The following KIF21A variants were observed in gnomAD, a reference collection of about 807,000 sequenced individuals.
The protein encoded by KIF21A is kinesin family member 21A, also known as kinesin-like protein KIF21A.
A neutral mutation model predicts 202.9 loss-of-function variants in KIF21A; 114 were observed. The observed-to-expected ratio is 0.56, with a 90% CI of 0.48 to 0.66. KIF21A has a LOEUF of 0.66. Among genes scored for constraint, KIF21A ranks in the 30% least tolerant of loss-of-function variants. KIF21A has a pLI of 0.00. For missense variants in KIF21A, 1,677 were observed against 1,994.9 expected (o/e 0.84, Z 3.04); for synonymous variants, 667 against 670.8 (o/e 0.99, Z 0.09).
At chr12:39,326,864 G>A (rs1945987208) in intron 24 of KIF21A, among the ~76,000 whole-genome samples, 1 of 152,204 alleles carries the variant, frequency 6.6e-6, no homozygotes, top group Non-Finnish European at 1.5e-5. Flanking sequence ...TCACACATCA[G>A]CATGCAGCTC....
At chr12:39,309,163 C>T (rs1291106288) in intron 33 of KIF21A, among the ~76,000 whole-genome samples, 1 of 152,132 alleles carries the variant, frequency 6.6e-6, no homozygotes, top group Admixed American at 6.5e-5. Context: ...GCTTTTCAAT[C>T]TCTGTTAATT....
intron 37 of KIF21A, among the ~76,000 whole-genome samples, chr12:39,294,908 G>C (rs760899153): frequency 6.6e-6 from 1 of 152,152 alleles, no homozygotes; most frequent in African/African-American, 2.4e-5. Flanking sequence ...TTAACACTGG[G>C]TCTGCAGTCA....
chr12:39,315,260 A>G lies in KIF21A; in HGVS notation c.3948-20T>C. The G allele has an allele frequency of 6.2e-7, 1 of 1,611,282 alleles. No homozygotes were observed. The highest frequency in any genetic ancestry group is 8.5e-7 in the Non-Finnish European group (1 of 1,177,926). On this transcript the variant is annotated intron_variant, in intron 30 of 37. Coordinates refer to ENST00000361418, the MANE Select transcript of KIF21A (RefSeq NM_001173464.2). ...GAGGATCTGCTGATGATCAGCAAAAATGGCCATAAAACAAGGAAAACAAGT... is the reference window on the plus strand; with the variant it reads ...GAGGATCTGCTGATGATCAGCAAAAGTGGCCATAAAACAAGGAAAACAAGT...
intron 1 of KIF21A, among the ~76,000 whole-genome samples, chr12:39,432,084 T>C (rs182802163): frequency 4.8e-4 from 73 of 152,306 alleles, no homozygotes; most frequent in Non-Finnish European, 8.4e-4. Flanking sequence ...GAGAAGTGTT[T>C]TGTGTTGAAC....
At chr12:39,323,437 A>AT (rs995540915) in intron 26 of KIF21A, among the ~76,000 whole-genome samples, 34 of 152,100 alleles carry the variant, frequency 2.2e-4, no homozygotes, top group Non-Finnish European at 4.6e-4. Context: ...TTCTAATACA[A>AT]TTTTTTTTCA....
Position 39,346,483 on chromosome 12 carries a change from G to T in KIF21A, c.1695C>A (p.Ser565Arg). 2 of 1,478,210 alleles carry T rather than the reference G, an allele frequency of 1.4e-6. No homozygotes were observed. Among genetic ancestry groups the T allele is most frequent in the Admixed American group, 2.2e-5 (1 of 44,998 alleles). 91.6% of individuals were successfully genotyped at this position (1,478,210 alleles called of 1,614,324 possible). A position where few individuals can be genotyped will look rare whatever the true frequency, so the allele number is the denominator to read the frequency against. Reference sequence around the variant, plus strand: ...ATTCCAACCTTCTTTCTTCTCGATTGCTTTCCTCAAGTTTCTGTAGCCTTC... The same window carrying T: ...ATTCCAACCTTCTTTCTTCTCGATTTCTTTCCTCAAGTTTCTGTAGCCTTC... Reference protein sequence around the residue: ...KKKRLQKLEESNREERSVAGK... With the variant: ...KKKRLQKLEERNREERSVAGK... Residue 565 changes from serine (S) to arginine (R), a missense_variant, in exon 12 of 38, where the codon AGC becomes AGA. By Grantham distance (110) the Ser-to-Arg change is moderately radical (BLOSUM62 -1). Around this residue, in one of 3 missense-constraint regions of KIF21A, gnomAD observed 966 missense variants for 1,180.9 expected, o/e 0.82. Coordinates refer to ENST00000361418, the MANE Select transcript of KIF21A (RefSeq NM_001173464.2).
intron 16 of KIF21A, among the ~76,000 whole-genome samples, chr12:39,338,113 T>C (rs979766748): frequency 6.6e-6 from 1 of 152,178 alleles, no homozygotes; most frequent in African/African-American, 2.4e-5. Flanking sequence ...CAGCTCCATG[T>C]GTGTTAATGC....
chr12:39,326,171 T>C, intron 25 of KIF21A, 93 bp downstream of exon 25: 1 of 1,011,048 alleles, frequency 9.9e-7, no homozygotes, highest in South Asian at 1.3e-5. Flanking sequence ...AGATTGAAAA[T>C]TATTTCTGTT....
chr12:39,418,413 C>T (rs1041141387), intron 1 of KIF21A, among the ~76,000 whole-genome samples: 43 of 152,150 alleles, frequency 2.8e-4, no homozygotes, highest in African/African-American at 1.0e-3. Context: ...AATGCAAACA[C>T]CTCTCTTGTT....
intron 1 of KIF21A, among the ~76,000 whole-genome samples, chr12:39,395,550 A>C (rs924741495): frequency 6.6e-6 from 1 of 152,064 alleles, no homozygotes; most frequent in African/African-American, 2.4e-5. Flanking sequence ...TATAAAAATC[A>C]CCCACTTTCA....
At chr12:39,343,356 T>C (rs888846848) in intron 12 of KIF21A, among the ~76,000 whole-genome samples, 1 of 151,884 alleles carries the variant, frequency 6.6e-6, no homozygotes, top group African/African-American at 2.4e-5. Flanking sequence ...CGAGACTCTG[T>C]CTCAAAAATA....
intron 35 of KIF21A, among the ~76,000 whole-genome samples, chr12:39,303,666 T>C (rs1943179274): frequency 6.6e-6 from 1 of 152,166 alleles, no homozygotes; most frequent in Admixed American, 6.5e-5. Context: ...AAATGATATG[T>C]TCAATAATAA....
intron 1 of KIF21A, among the ~76,000 whole-genome samples, chr12:39,378,435 A>G (rs989532119): frequency 2.6e-5 from 4 of 152,204 alleles, no homozygotes; most frequent in African/African-American, 9.6e-5. Flanking sequence ...CCTATGCATC[A>G]CTGTAATTAA....
chr12:39,440,194 G>A (rs1347860480), intron 1 of KIF21A, among the ~76,000 whole-genome samples: 2 of 152,180 alleles, frequency 1.3e-5, no homozygotes, highest in Non-Finnish European at 2.9e-5. Context: ...ACCTGTGAAA[G>A]CCACTCATTT....
In KIF21A at chr12:39,332,609, A is replaced by C; in HGVS notation, c.2838T>G (p.Asp946Glu). ...TCCACACCTTGAGGAGTCTATTCATATCTGCCTCCATGTTGGAAATGGTCA... is the reference window on the plus strand; with the variant it reads ...TCCACACCTTGAGGAGTCTATTCATCTCTGCCTCCATGTTGGAAATGGTCA... ...QKMTISNMEADMNRLLKQREE... is the reference protein window; with the variant it reads ...QKMTISNMEAEMNRLLKQREE... The change falls in exon 20 of 38, where the codon GAT (aspartate) becomes GAG (glutamate). Residue 946 changes from aspartate (D) to glutamate (E), a missense_variant. By Grantham distance (45) the Asp-to-Glu change is conservative (BLOSUM62 2). This residue lies in a region of KIF21A where 966 missense variants were observed against 1,180.9 expected (regional missense o/e 0.82). Coordinates refer to ENST00000361418, the MANE Select transcript of KIF21A (RefSeq NM_001173464.2). The C allele has an allele frequency of 6.2e-7, 1 of 1,613,732 alleles. No homozygotes were observed. The highest frequency in any genetic ancestry group is 8.5e-7 in the Non-Finnish European group (1 of 1,179,936).
intron 6 of KIF21A, among the ~76,000 whole-genome samples, chr12:39,365,190 T>C (rs1565982782): frequency 6.6e-6 from 1 of 152,194 alleles, no homozygotes. Flanking sequence ...AATTATACTT[T>C]AAAAACTGCA....
At chr12:39,440,725 T>C (rs1212227086) in intron 1 of KIF21A, among the ~76,000 whole-genome samples, 2 of 152,216 alleles carry the variant, frequency 1.3e-5, no homozygotes, top group African/African-American at 4.8e-5. Flanking sequence ...ATGTATTTAA[T>C]GAAAGAAATC....
intron 26 of KIF21A, among the ~76,000 whole-genome samples, chr12:39,324,367 T>C (rs1357814820): frequency 6.6e-6 from 1 of 152,182 alleles, no homozygotes; most frequent in Non-Finnish European, 1.5e-5. Flanking sequence ...GTGGCATAAC[T>C]AAATAGGCTT....
intron 1 of KIF21A, among the ~76,000 whole-genome samples, chr12:39,429,927 T>C (rs1348669131): frequency 2.0e-5 from 3 of 152,060 alleles, no homozygotes; most frequent in Non-Finnish European, 4.4e-5. Flanking sequence ...CTAAAGAACA[T>C]TCTAACAATC....
Sources: allele counts gnomAD v4.1 joint callset (sites outside exome capture counted in the v4.1 genomes callset), GRCh38; gene constraint gnomAD v4.1.1; regional missense constraint gnomAD v4.1.1; transcripts MANE v1.5; gene names NCBI Gene and HGNC (gene_info 2026-07-23, HGNC 2026-07-21).